HHIPL1: variants seen among roughly 807,000 people sequenced by gnomAD.
HHIPL1 encodes the protein HHIP like 1, also known as HHIP-like protein 1.
Under a neutral mutation model 61.8 loss-of-function variants are expected in HHIPL1, and 43 were observed. The observed-to-expected ratio is 0.70, with a 90% CI of 0.55 to 0.90. The LOEUF is 0.90. Ranked by LOEUF, HHIPL1 falls within the 40% of genes least tolerant of loss-of-function variation. The probability of loss-of-function intolerance (pLI) is 0.00; values close to 1 mark genes in which losing one functional copy is unlikely to be tolerated. For synonymous variants in HHIPL1, 482 were observed against 515.8 expected (o/e 0.93, Z 0.89); for missense variants, 1,056 against 1,157.7 (o/e 0.91, Z 1.28).
At chr14:99,614,789 C>G in the HHIPL1 span, among the ~76,000 whole-genome samples, 2 of 152,098 alleles carry the variant, frequency 1.3e-5, no homozygotes, top group Admixed American at 1.3e-4. Context: ...CTGGAGGGGA[C>G]GAGGGTTTCC....
At chr14:99,636,054 G>A in the HHIPL1 span, among the ~76,000 whole-genome samples, 83 of 152,220 alleles carry the variant, frequency 5.5e-4, no homozygotes, top group African/African-American at 1.9e-3. Context: ...CTGGAGCCAC[G>A]GGGCACTGGG....
chr14:99,622,618 C>T, the HHIPL1 span, among the ~76,000 whole-genome samples: 6 of 152,342 alleles, frequency 3.9e-5, no homozygotes, highest in African/African-American at 1.4e-4. Flanking sequence ...GGGTCCCCAG[C>T]TATGGTAGCA....
chr14:99,640,110 T>C, the HHIPL1 span, among the ~76,000 whole-genome samples: 1 of 152,250 alleles, frequency 6.6e-6, no homozygotes, highest in Non-Finnish European at 1.5e-5. Context: ...TCTTTGGTCC[T>C]GCCTCCCTTT....
Position 99,652,588 on chromosome 14 carries a change from A to G in HHIPL1, c.620A>G (p.His207Arg). 6.2e-7 allele frequency: 1 copy of G among 1,613,098 alleles called. No individual in the cohort carries two copies. Residue 207 changes from histidine (H) to arginine (R), a missense_variant, in exon 2 of 9, where the codon CAC becomes CGC. By Grantham distance (29) the His-to-Arg change is conservative. Transcript: ENST00000330710. ...ATGGTCCATGCCAGGGATGGCACCC[A>G]CCGCTTCTTCGTGGCCGAGCAGGTG... is the stretch of plus-strand genomic sequence containing the variant. Reference protein sequence around the residue: ...VAMVHARDGTHRFFVAEQVGL... With the variant: ...VAMVHARDGTRRFFVAEQVGL...
chr14:99,667,977 A>G (rs2056272641), intron 6 of HHIPL1, among the ~76,000 whole-genome samples: 1 of 152,168 alleles, frequency 6.6e-6, no homozygotes, highest in African/African-American at 2.4e-5. Context: ...GGGTGGGTCC[A>G]GGCAGAGTGC....
In HHIPL1 at chr14:99,677,581, G is replaced by A. The variant is rs1288906574; in HGVS notation, c.*1955G>A. Reference sequence around the variant, plus strand: ...CAGCCGAATTCCTCACTGTGCAGATGAGGAAGTGAGCTCAGGGAGGCTGAG... The same window carrying A: ...CAGCCGAATTCCTCACTGTGCAGATAAGGAAGTGAGCTCAGGGAGGCTGAG... On this transcript the variant is annotated 3_prime_UTR_variant, in exon 9 of 9. Transcript: ENST00000330710. This position sits in a 1 kb window ranked among gnomAD's most constrained non-coding sequence, Gnocchi z 4.3. 6.6e-6 allele frequency: 1 copy of A among 152,316 alleles called. No homozygotes were observed. The highest frequency in any genetic ancestry group is 2.4e-5 in the African/African-American group (1 of 41,464). 9.4% of individuals were successfully genotyped at this position (152,316 alleles called of 1,614,324 possible).
intron 1 of HHIPL1, among the ~76,000 whole-genome samples, chr14:99,648,814 C>G (rs1452091983): frequency 6.6e-6 from 1 of 152,190 alleles, no homozygotes; most frequent in African/African-American, 2.4e-5. Flanking sequence ...ATCCGATGGA[C>G]AGGACACTGT....
At chr14:99,628,590 AAAAAAAG>A in the HHIPL1 span, among the ~76,000 whole-genome samples, 2 of 151,560 alleles carry the variant, frequency 1.3e-5, no homozygotes, top group Non-Finnish European at 2.9e-5. Context: ...TCAAAAAAAA[AAAAAAAG>A]AAAAAAAGAA....
At chr14:99,615,482 T>C in the HHIPL1 span, among the ~76,000 whole-genome samples, 2 of 152,078 alleles carry the variant, frequency 1.3e-5, no homozygotes, top group East Asian at 3.9e-4. Flanking sequence ...AGGTTGAAAC[T>C]GCAATGAGCT....
At position 99,672,392 on chromosome 14, in the gene HHIPL1, C is replaced by T; in HGVS notation, c.1806C>T (p.Pro602=). The change falls in exon 8 of 9, where the codon CCC becomes CCT. Residue 602 remains proline, a synonymous_variant. Transcript: ENST00000330710. The part of the protein sequence containing the change: ...KIRSRLIPFV[P]KEKFIPKTRS... ...GAAGCCGTCTCATCCCCTTTGTGCC[C>T]AAAGAAAGTAAGTGCCTGCCAGTGG... 5 of 1,550,956 alleles carry T rather than the reference C, an allele frequency of 3.2e-6. No individual in the cohort carries two copies. Among genetic ancestry groups the T allele is most frequent in the African/African-American group, 1.4e-5 (1 of 73,154 alleles).
intron 3 of HHIPL1, among the ~76,000 whole-genome samples, chr14:99,658,112 A>G (rs927109314): frequency 3.3e-5 from 5 of 152,212 alleles, no homozygotes; most frequent in African/African-American, 4.8e-5. Context: ...TACAGTAATT[A>G]AAGTGCTCAC....
At chr14:99,640,623 A>G (rs2055738149), upstream of HHIPL1, among the ~76,000 whole-genome samples, 1 of 151,986 alleles carries the variant, frequency 6.6e-6, no homozygotes, top group Admixed American at 6.6e-5. Context: ...ACCATTTTAG[A>G]TTTGCAGAAA....
At chr14:99,624,186 G>A in the HHIPL1 span, among the ~76,000 whole-genome samples, 15 of 152,096 alleles carry the variant, frequency 9.9e-5, no homozygotes, top group African/African-American at 2.9e-4. Context: ...CCCTCGCTTC[G>A]GCCACAGCAC....
chr14:99,674,872 T>A (rs1403944154), intron 8 of HHIPL1, among the ~76,000 whole-genome samples: 4 of 152,104 alleles, frequency 2.6e-5, no homozygotes, highest in Non-Finnish European at 5.9e-5. Flanking sequence ...CCCTGGCCCC[T>A]GAGTCCAGGC....
the HHIPL1 span, among the ~76,000 whole-genome samples, chr14:99,636,989 GAAGAAAGAAAGAAGAAAGA>G: frequency 8.1e-5 from 7 of 86,122 alleles, no homozygotes; most frequent in Admixed American, 4.6e-4. Context: ...AGGAAAGAAA[GAAGAAAGAAAGAAGAAAGA>G]AAGAAAGAAA....
At chr14:99,637,144 G>A in the HHIPL1 span, among the ~76,000 whole-genome samples, 113 of 111,902 alleles carry the variant, frequency 1.0e-3, 2 homozygotes, top group African/African-American at 3.2e-3. Flanking sequence ...GAGAGAAAGG[G>A]AGGCAGAAAG....
the HHIPL1 span, among the ~76,000 whole-genome samples, chr14:99,632,354 G>C: frequency 6.6e-5 from 10 of 152,142 alleles, no homozygotes; most frequent in African/African-American, 2.4e-4. Flanking sequence ...CTCCCTCTGG[G>C]GGAAACCCAA....
intron 5 of HHIPL1, among the ~76,000 whole-genome samples, chr14:99,662,536 C>T (rs1231460432): frequency 6.6e-6 from 1 of 152,170 alleles, no homozygotes; most frequent in Non-Finnish European, 1.5e-5. Flanking sequence ...AGATTGCACA[C>T]AGTGACAGCT....
chr14:99,646,983 C>G (rs1595145930), intron 1 of HHIPL1, among the ~76,000 whole-genome samples: 1 of 152,138 alleles, frequency 6.6e-6, no homozygotes, highest in South Asian at 2.1e-4. Flanking sequence ...TTCTCGAGGG[C>G]TTCCTTGGCC....
Sources: gnomAD v4.1 joint callset for allele counts (sites outside exome capture counted in the v4.1 genomes callset) on GRCh38, gnomAD v4.1.1 for gene constraint, Gnocchi (gnomAD v3.1) non-coding constraint, MANE v1.5 for transcripts, NCBI Gene and HGNC (gene_info 2026-07-23, HGNC 2026-07-21) for gene names.